RGL1: variants seen among roughly 807,000 people sequenced by gnomAD.
RGL1 encodes ral guanine nucleotide dissociation stimulator-like 1.
RGL1 carries 24 observed loss-of-function variants against 95.2 expected under a neutral mutation model. The ratio of observed to expected loss-of-function variants is 0.25; its 90% CI spans 0.18 to 0.35. The LOEUF is 0.35. Among genes scored for constraint, RGL1 ranks in the 10% least tolerant of loss-of-function variants. RGL1 has a pLI of 1.00. For synonymous variants in RGL1, 329 were observed against 344.9 expected (o/e 0.95, Z 0.51); for missense variants, 715 against 936.3 (o/e 0.76, Z 3.08).
rs973867271 is a variant in RGL1, at chr1:183,884,875, G to A, written c.888G>A (p.Gly296=). Reference sequence around the variant, plus strand: ...AATGTGTTGTCAGCACCATCCTGGGGGGCAAAGAACTCAAAACTCAGCAGA... The same window carrying A: ...AATGTGTTGTCAGCACCATCCTGGGAGGCAAAGAACTCAAAACTCAGCAGA... ...LTKCVVSTIL[G]GKELKTQQRA... is the part of the protein sequence containing the mutation. The change falls in exon 7 of 18, where the codon GGG becomes GGA. Residue 296 remains glycine, a synonymous_variant. Transcript: ENST00000360851. 6.2e-7 allele frequency: 1 copy of A among 1,614,114 alleles called. No homozygotes were observed. The highest frequency in any genetic ancestry group is 1.3e-5 in the African/African-American group (1 of 75,038).
At chr1:183,864,729 G>A (rs1665721438) in intron 3 of RGL1, among the ~76,000 whole-genome samples, 1 of 152,178 alleles carries the variant, frequency 6.6e-6, no homozygotes, top group Admixed American at 6.5e-5. Flanking sequence ...AAATATCTTT[G>A]AGAGGCCAAG....
intron 1 of RGL1, among the ~76,000 whole-genome samples, chr1:183,733,097 T>C (rs976759960): frequency 2.0e-5 from 3 of 152,142 alleles, no homozygotes; most frequent in African/African-American, 7.2e-5. Context: ...CACAGAGCTC[T>C]GAGTAAGAGG....
chr1:183,696,056 T>G (rs1654233823), intron 1 of RGL1, among the ~76,000 whole-genome samples: 1 of 152,196 alleles, frequency 6.6e-6, no homozygotes, highest in Non-Finnish European at 1.5e-5. Flanking sequence ...AATATTCATT[T>G]TTCCTCTTCT....
intron 15 of RGL1, among the ~76,000 whole-genome samples, 166 bp downstream of exon 15, chr1:183,912,434 A>G (rs1668703223): frequency 6.6e-6 from 1 of 152,214 alleles, no homozygotes; most frequent in Admixed American, 6.5e-5. Flanking sequence ...CATACTACTA[A>G]TAGAAACAGG....
chr1:183,831,893 T>G (rs1387901726), intron 2 of RGL1, among the ~76,000 whole-genome samples: 2 of 152,204 alleles, frequency 1.3e-5, no homozygotes, highest in Non-Finnish European at 2.9e-5. Flanking sequence ...ATGGCTACTA[T>G]GAATAAAACT....
At chr1:183,871,752 C>T (rs537347740) in intron 4 of RGL1, among the ~76,000 whole-genome samples, 68 of 152,288 alleles carry the variant, frequency 4.5e-4, no homozygotes, top group Non-Finnish European at 7.8e-4. Flanking sequence ...GGACCACAAC[C>T]GACTAGTGTT....
At chr1:183,926,065 T>C (rs1669597527) in intron 17 of RGL1, 40 bp from the exon 18 acceptor site, 1 of 1,580,594 alleles carries the variant, frequency 6.3e-7, no homozygotes. Context: ...TGAGCTGACC[T>C]CCACAAGCTG....
intron 2 of RGL1, among the ~76,000 whole-genome samples, chr1:183,751,925 G>A (rs1259113083): frequency 6.6e-6 from 1 of 152,116 alleles, no homozygotes; most frequent in Non-Finnish European, 1.5e-5. Flanking sequence ...TACCTCAGTT[G>A]GAAATGCAGA....
At chr1:183,823,514 A>G (rs1444813630) in intron 2 of RGL1, among the ~76,000 whole-genome samples, 1 of 152,218 alleles carries the variant, frequency 6.6e-6, no homozygotes, top group Non-Finnish European at 1.5e-5. Context: ...ATGGCTAAAC[A>G]TAAAGCTCTG....
In RGL1 at chr1:183,822,326, A is replaced by G. The variant is rs1363686543; in HGVS notation, c.138+15841A>G. Among the ~76,000 whole-genome samples the G allele has an allele frequency of 2.8e-5, 4 of 143,782 alleles. No individual in the cohort carries two copies. The Admixed American group carries it at 2.9e-4, about 10-fold the overall frequency. The allele number at this position is 143,782 out of a possible 152,430, so 94.3% of individuals were successfully genotyped here. ...CTTAGACATGTTTGACTTTTTAAAAACAATTGCCCACAAAAGCCACCAAAC... is the reference window on the plus strand; with the variant it reads ...CTTAGACATGTTTGACTTTTTAAAAGCAATTGCCCACAAAAGCCACCAAAC... On this transcript the variant is annotated intron_variant, in intron 2 of 17. Coordinates refer to ENST00000360851, the MANE Select transcript of RGL1 (RefSeq NM_001297671.3).
At chr1:183,753,603 A>T (rs188720890) in intron 2 of RGL1, among the ~76,000 whole-genome samples, 2 of 152,298 alleles carry the variant, frequency 1.3e-5, no homozygotes, top group Admixed American at 1.3e-4. Context: ...GGGAACATTG[A>T]CCTTGGGAAA....
Position 183,806,394 on chromosome 1 carries a change from G to T in RGL1, c.47G>T (p.Gly16Val), listed in dbSNP as rs1180838323. 2 of 1,613,892 alleles carry T rather than the reference G, an allele frequency of 1.2e-6. 1 individual carries two copies. The highest frequency in any genetic ancestry group is 2.2e-5 in the South Asian group (2 of 91,080). ...QAKMSSIQDW[G>V]EEVEEGAVYH... ...TGGCAGAGCTCGATTCAGGACTGGGGTGAAGAGGTAGAGGAAGGAGCTGTT... is the reference window on the plus strand; with the variant it reads ...TGGCAGAGCTCGATTCAGGACTGGGTTGAAGAGGTAGAGGAAGGAGCTGTT... The change falls in exon 2 of 18, where the codon GGT (glycine) becomes GTT (valine). Residue 16 changes from glycine to valine, a missense_variant. Gly to Val is a moderately radical substitution (Grantham distance 109). This residue lies in a region of RGL1 where 381 missense variants were observed against 484.8 expected (regional missense o/e 0.79). Coordinates refer to ENST00000360851, the MANE Select transcript of RGL1 (RefSeq NM_001297671.3).
At chr1:183,873,266 C>T (rs1291475472) in intron 4 of RGL1, among the ~76,000 whole-genome samples, 2 of 152,208 alleles carry the variant, frequency 1.3e-5, no homozygotes, top group African/African-American at 2.4e-5. Context: ...GTTTGATTCC[C>T]TGCACAGCAT....
chr1:183,669,178 G>T (rs1004396460), intron 1 of RGL1, among the ~76,000 whole-genome samples: 1 of 151,910 alleles, frequency 6.6e-6, no homozygotes, highest in South Asian at 2.1e-4. Context: ...TCATGACCTC[G>T]TGATCCACCT....
At chr1:183,856,636 T>A (rs966440511) in intron 3 of RGL1, among the ~76,000 whole-genome samples, 10 of 148,344 alleles carry the variant, frequency 6.7e-5, no homozygotes, top group East Asian at 2.0e-4. Context: ...ATATATATAT[T>A]TTTATATATA....
chr1:183,915,425 G>A (rs1668900894), intron 15 of RGL1, among the ~76,000 whole-genome samples: 1 of 151,996 alleles, frequency 6.6e-6, no homozygotes, highest in African/African-American at 2.4e-5. Flanking sequence ...TCTTTCTTTG[G>A]TTATTGGTAT....
intron 2 of RGL1, among the ~76,000 whole-genome samples, chr1:183,837,282 A>G (rs1470407770): frequency 2.0e-5 from 3 of 152,168 alleles, no homozygotes. Flanking sequence ...AGAGAATATT[A>G]GGTCACACAG....
chr1:183,712,482 T>TGA (rs746338559), intron 1 of RGL1, among the ~76,000 whole-genome samples: 14 of 150,584 alleles, frequency 9.3e-5, no homozygotes, highest in Admixed American at 3.3e-4. Flanking sequence ...AGAGACAGAG[T>TGA]GAGAGAGAGA....
chr1:183,646,567 G>A (rs1391759865), intron 1 of RGL1: 1 of 152,166 alleles, frequency 6.6e-6, no homozygotes, highest in Non-Finnish European at 1.5e-5. Context: ...AGTGCTTAGA[G>A]GATTAATCAA....
Sources: allele counts gnomAD v4.1 joint callset (sites outside exome capture counted in the v4.1 genomes callset), GRCh38; gene constraint gnomAD v4.1.1; regional missense constraint gnomAD v4.1.1; transcripts MANE v1.5; gene names NCBI Gene and HGNC (gene_info 2026-07-23, HGNC 2026-07-21).